The following FGF8 variants were observed in gnomAD, a reference collection of about 807,000 sequenced individuals.
The protein encoded by FGF8 is fibroblast growth factor 8.
In FGF8, 12 loss-of-function variants were observed where a neutral mutation model predicts 29.7. That is an observed-to-expected ratio of 0.40 (90% CI 0.26 to 0.65). The LOEUF is 0.65. FGF8 is among the 30% of genes least tolerant of loss of function. FGF8 has a pLI of 0.37. For missense variants in FGF8, 271 were observed against 345.1 expected (o/e 0.79, Z 1.70); for synonymous variants, 157 against 144.4 (o/e 1.09, Z -0.63).
upstream of FGF8, among the ~76,000 whole-genome samples, chr10:101,779,981 C>T (rs1046137112): frequency 2.0e-5 from 3 of 152,236 alleles, no homozygotes. The surrounding 1 kb of genome is among the most constrained non-coding windows in gnomAD (Gnocchi z 5.7). Context: ...TCGGAGGCCC[C>T]GGCCCCACGG....
upstream of FGF8, chr10:101,780,167 T>C (rs1393967868): frequency 6.6e-6 from 1 of 152,276 alleles, no homozygotes; most frequent in Non-Finnish European, 1.5e-5. Context: ...GAAGCATTTT[T>C]AGCAGCGCCC....
chr10:101,775,826 G>C lies in FGF8; in HGVS notation c.32+43C>G. Reference sequence around the variant, plus strand: ...AGAGAGAGGCGCGGGTGAGGCGAGGGGCGCGGGGGGCGGGTGGCGGGGCAG... The same window carrying C: ...AGAGAGAGGCGCGGGTGAGGCGAGGCGCGCGGGGGGCGGGTGGCGGGGCAG... On this transcript the variant is annotated intron_variant, in intron 1 of 5. Coordinates refer to ENST00000320185, the MANE Select transcript of FGF8 (RefSeq NM_033163.5). This position sits in a 1 kb window ranked among gnomAD's most constrained non-coding sequence, Gnocchi z 4.6. 1 of 1,525,570 alleles carries C rather than the reference G, an allele frequency of 6.6e-7. No homozygotes were observed. 94.5% of individuals were successfully genotyped at this position (1,525,570 alleles called of 1,614,324 possible).
Position 101,774,931 on chromosome 10 carries a change from T to C in FGF8, c.157-19A>G. On this transcript the variant is annotated intron_variant, in intron 3 of 5. Transcript: ENST00000320185. ...CAGTTACCTTTAGGAAATTGAAAAA[T>C]ACACAATACACCATTATAATGCTAC... The C allele has an allele frequency of 6.2e-7, 1 of 1,612,590 alleles. No homozygotes were observed.
At chr10:101,776,216 G>A (rs1403448219), upstream of FGF8, 20 of 123,228 alleles carry the variant, frequency 1.6e-4, no homozygotes, top group Admixed American at 5.3e-4. Flanking sequence ...CACCGGGCGC[G>A]AGGGGGGAGC....
At chr10:101,774,702 A>T in intron 4 of FGF8, 30 bp downstream of exon 4, 2 of 1,591,768 alleles carry the variant, frequency 1.3e-6, no homozygotes, top group Non-Finnish European at 1.7e-6. Flanking sequence ...GGCGCCGCGC[A>T]TCCCACAAGC....
At chr10:101,774,681 C>G in intron 4 of FGF8, 51 bp downstream of exon 4, 1 of 1,521,272 alleles carries the variant, frequency 6.6e-7, no homozygotes, top group African/African-American at 1.4e-5. Flanking sequence ...GCAGTTGGGA[C>G]TGGTGGTCCA....
At chr10:101,773,997 T>C (rs527385141) in intron 4 of FGF8, among the ~76,000 whole-genome samples, 4 of 152,370 alleles carry the variant, frequency 2.6e-5, no homozygotes, top group Admixed American at 2.6e-4. Context: ...ACGTGGTCAT[T>C]ATTTAAAGGT....
Position 101,775,978 on chromosome 10 carries a change from G to A in FGF8, c.-78C>T. 1 of 994,232 alleles carries A rather than the reference G, an allele frequency of 1.0e-6. No individual in the cohort carries two copies. The highest frequency in any genetic ancestry group is 1.7e-5 in the African/African-American group (1 of 57,742). The allele number at this position is 994,232 out of a possible 1,614,324, so 61.6% of individuals were successfully genotyped here. ...CCGCCGCGGGAGGACGCGCTGAGCA[G>A]GGCGCGAGCGGAGAGGGTGCGGGTG... On this transcript the variant is annotated 5_prime_UTR_variant, in exon 1 of 6. Coordinates refer to ENST00000320185, the MANE Select transcript of FGF8 (RefSeq NM_033163.5). The surrounding 1 kb of genome is among the most constrained non-coding windows in gnomAD (Gnocchi z 4.6).
rs745613908 is a variant in FGF8 at position 101,771,514 on chromosome 10, G to A, written c.393C>T (p.Ala131=). The change falls in exon 5 of 6, where the codon GCC becomes GCT. Residue 131 remains alanine, a synonymous_variant. Transcript: ENST00000320185. The surrounding 1 kb of genome is among the most constrained non-coding windows in gnomAD (Gnocchi z 5.3). ...TCATGCAGATGTAGAGGCCCGTCTC[G>A]GCTCCTCGGACTCGAACTCTGCTTC... The part of the protein sequence containing the change: ...TFGSRVRVRG[A]ETGLYICMNK... 1.7e-5 allele frequency: 28 copies of A among 1,614,156 alleles called. No homozygotes were observed. The highest frequency in any genetic ancestry group is 1.7e-4 in the Admixed American group (10 of 60,032).
In FGF8 at chr10:101,770,659, C is replaced by G. The variant is rs764328379; in HGVS notation, c.445-40G>C. ...GCCAGACACCACGTTACAGAGCCCC[C>G]CCAGCAGAGGCAGAGGGCGAGCGGC... On this transcript the variant is annotated intron_variant, in intron 5 of 5. Coordinates refer to ENST00000320185, the MANE Select transcript of FGF8 (RefSeq NM_033163.5). 4 of 1,600,526 alleles carry G rather than the reference C, an allele frequency of 2.5e-6. No individual in the cohort carries two copies. The African/African-American group carries it at 4.0e-5, about 16-fold the overall frequency.
rs975739508 is a variant in FGF8, at chr10:101,775,326, C to T, written c.70-110G>A. The T allele has an allele frequency of 2.5e-6, 2 of 804,122 alleles. No individual in the cohort carries two copies. Among genetic ancestry groups the T allele is most frequent in the African/African-American group, 3.4e-5 (2 of 58,946 alleles). The allele number at this position is 804,122 out of a possible 1,614,324, so 49.8% of individuals were successfully genotyped here. ...TGAGAGTGCAGGGAACCTGGGCACCCGATCATTGGGCCAAATCGGCCACAA... is the reference window on the plus strand; with the variant it reads ...TGAGAGTGCAGGGAACCTGGGCACCTGATCATTGGGCCAAATCGGCCACAA... On this transcript the variant is annotated intron_variant, in intron 2 of 5. Coordinates refer to ENST00000320185, the MANE Select transcript of FGF8 (RefSeq NM_033163.5). The surrounding 1 kb of genome is among the most constrained non-coding windows in gnomAD (Gnocchi z 4.6).
At position 101,770,153 on chromosome 10, in the gene FGF8, A is replaced by AG; in HGVS notation, c.*175_*176insC. 1 of 525,866 alleles carries AG rather than the reference A, an allele frequency of 1.9e-6. No individual in the cohort carries two copies. The highest frequency in any genetic ancestry group is 3.3e-6 in the Non-Finnish European group (1 of 302,410). 32.6% of individuals were successfully genotyped at this position (525,866 alleles called of 1,614,324 possible). On this transcript the variant is annotated 3_prime_UTR_variant, in exon 6 of 6. Coordinates refer to ENST00000320185, the MANE Select transcript of FGF8 (RefSeq NM_033163.5). ...CTCTCTTTTGTTTTAAAAAAAAAAA[A>AG]AAAAAAAAAAACAGCAAAAACCCAA... is the stretch of plus-strand genomic sequence containing the variant.
At position 101,772,897 on chromosome 10, in the gene FGF8, C is replaced by G. The variant is rs1273774844; in HGVS notation, c.338-1328G>C. The stretch of plus-strand genomic sequence containing the variant: ...CTAGCCAGTCTGCTCATCCCTCTCC[C>G]GCTCTGCCTTCCACAGCAAGAGGCA... On this transcript the variant is annotated intron_variant, in intron 4 of 5. Transcript: ENST00000320185. This position sits in a 1 kb window ranked among gnomAD's most constrained non-coding sequence, Gnocchi z 4.4. 6.6e-6 allele frequency among the ~76,000 whole-genome samples: 1 copy of G among 152,224 alleles called. No homozygotes were observed. Among genetic ancestry groups the G allele is most frequent in the Non-Finnish European group, 1.5e-5 (1 of 68,044 alleles).
chr10:101,770,693 G>A, intron 5 of FGF8, 74 bp from the exon 6 acceptor site: 1 of 1,534,436 alleles, frequency 6.5e-7, no homozygotes. Context: ...GCCCCAGACA[G>A]CAGGTGGGCA....
chr10:101,776,853 A>AT (rs2065101374), upstream of FGF8, among the ~76,000 whole-genome samples: 1 of 46,738 alleles, frequency 2.1e-5, no homozygotes, highest in Admixed American at 2.5e-4. Flanking sequence ...TGTGCCCCTC[A>AT]CCACACACAC....
In FGF8 at chr10:101,772,355, C is replaced by A. The variant is rs1032040607; in HGVS notation, c.338-786G>T. Among the ~76,000 whole-genome samples, 5 of 152,216 alleles carry A rather than the reference C, an allele frequency of 3.3e-5. No individual in the cohort carries two copies. Among genetic ancestry groups the A allele is most frequent in the African/African-American group, 1.2e-4 (5 of 41,448 alleles). Reference sequence around the variant, plus strand: ...ACAGCTGGGCTTCTCAGCCCAGTGACCAAATAGCTTCTGTGGGTGAGGAGG... The same window carrying A: ...ACAGCTGGGCTTCTCAGCCCAGTGAACAAATAGCTTCTGTGGGTGAGGAGG... On this transcript the variant is annotated intron_variant, in intron 4 of 5. Transcript: ENST00000320185. This position sits in a 1 kb window ranked among gnomAD's most constrained non-coding sequence, Gnocchi z 4.4.
chr10:101,771,504 G>A lies in FGF8; in HGVS notation c.403C>T (p.Leu135Phe). The A allele has an allele frequency of 6.2e-7, 1 of 1,614,214 alleles. No homozygotes were observed. The highest frequency in any genetic ancestry group is 8.5e-7 in the Non-Finnish European group (1 of 1,180,024). Residue 135 changes from leucine to phenylalanine, a missense_variant, in exon 5 of 6, where the codon CTC becomes TTC. By Grantham distance (22) the Leu-to-Phe change is conservative (BLOSUM62 0). Coordinates refer to ENST00000320185, the MANE Select transcript of FGF8 (RefSeq NM_033163.5). The surrounding 1 kb of genome is among the most constrained non-coding windows in gnomAD (Gnocchi z 5.3). Reference protein sequence around the residue: ...RVRVRGAETGLYICMNKKGKL... With the variant: ...RVRVRGAETGFYICMNKKGKL... ...CCCTTCTTGTTCATGCAGATGTAGAGGCCCGTCTCGGCTCCTCGGACTCGA... is the reference window on the plus strand; with the variant it reads ...CCCTTCTTGTTCATGCAGATGTAGAAGCCCGTCTCGGCTCCTCGGACTCGA...
At position 101,771,412 on chromosome 10, in the gene FGF8, C is replaced by T. The variant is rs767923498; in HGVS notation, c.444+51G>A. On this transcript the variant is annotated intron_variant, in intron 5 of 5. Transcript: ENST00000320185. This position sits in a 1 kb window ranked among gnomAD's most constrained non-coding sequence, Gnocchi z 5.3. Reference sequence around the variant, plus strand: ...ACTGTCTTGGAGGAGTCCAGCCAGCCCAAGCCACTCCCTAGGTCCCGCGGA... The same window carrying T: ...ACTGTCTTGGAGGAGTCCAGCCAGCTCAAGCCACTCCCTAGGTCCCGCGGA... The T allele has an allele frequency of 2.7e-5, 39 of 1,426,482 alleles. No homozygotes were observed. In the East Asian group the frequency reaches 3.4e-4, roughly 12 times the overall value. The allele number at this position is 1,426,482 out of a possible 1,614,324, so 88.4% of individuals were successfully genotyped here. A position where few individuals can be genotyped will look rare whatever the true frequency, so the allele number is the denominator to read the frequency against.
intron 3 of FGF8, 65 bp from the exon 4 acceptor site, chr10:101,774,977 G>T: frequency 6.3e-7 from 1 of 1,577,408 alleles, no homozygotes. Flanking sequence ...GGCCCGAGTG[G>T]CCCCATCACC....
Sources: allele counts gnomAD v4.1 joint callset (sites outside exome capture counted in the v4.1 genomes callset), GRCh38; gene constraint gnomAD v4.1.1; non-coding constraint Gnocchi (gnomAD v3.1); transcripts MANE v1.5; gene names NCBI Gene and HGNC (gene_info 2026-07-23, HGNC 2026-07-21).